EGFR: variants seen among roughly 807,000 people sequenced by gnomAD.
The protein encoded by EGFR is epidermal growth factor receptor.
In EGFR, 58 loss-of-function variants were observed where a neutral mutation model predicts 143.0. That is an observed-to-expected ratio of 0.41 (90% CI 0.33 to 0.50). The LOEUF (loss-of-function observed/expected upper bound fraction) is 0.50. Among genes scored for constraint, EGFR ranks in the 20% least tolerant of loss-of-function variants. The pLI is 0.39. For synonymous variants in EGFR, 613 were observed against 594.4 expected (o/e 1.03, Z -0.45); for missense variants, 1,307 against 1,579.0 (o/e 0.83, Z 2.92).
chr7:55,199,161 G>T (rs530293965), intron 23 of EGFR, among the ~76,000 whole-genome samples: 2 of 152,156 alleles, frequency 1.3e-5, no homozygotes, highest in African/African-American at 2.4e-5. Flanking sequence ...ATGAAATACC[G>T]AGTTGCCCTA....
intron 1 of EGFR, among the ~76,000 whole-genome samples, chr7:55,019,746 C>T (rs1786419492): frequency 6.6e-6 from 1 of 152,166 alleles, no homozygotes; most frequent in African/African-American, 2.4e-5. Context: ...GCCGGGGTCC[C>T]GCACGTGCGC....
intron 1 of EGFR, among the ~76,000 whole-genome samples, chr7:55,138,806 T>C (rs928328780): frequency 6.6e-6 from 1 of 152,238 alleles, no homozygotes; most frequent in African/African-American, 2.4e-5. Context: ...AATAAATGTA[T>C]TTGGCTCATG....
At position 55,156,514 on chromosome 7, in the gene EGFR, GTC is replaced by G. The variant is rs755277305; in HGVS notation, c.1007-13_1007-12del. The G allele has an allele frequency of 2.4e-5, 38 of 1,614,070 alleles. No homozygotes were observed. In the South Asian group the frequency reaches 3.1e-4, roughly 13 times the overall value. ...TCCAACAAATGTGAACGGAATACAC[GTC>G]TCTCTTATCTCTGCAGTGTGTAACG... On this transcript the variant is annotated splice_polypyrimidine_tract_variant and intron_variant, in intron 8 of 27. Coordinates refer to ENST00000275493, the MANE Select transcript of EGFR (RefSeq NM_005228.5).
chr7:55,025,515 T>G (rs1192790279), intron 1 of EGFR, among the ~76,000 whole-genome samples: 1 of 151,830 alleles, frequency 6.6e-6, no homozygotes, highest in Non-Finnish European at 1.5e-5. Flanking sequence ...GGCAGGAGGG[T>G]CCAATATCAA....
intron 14 of EGFR, among the ~76,000 whole-genome samples, chr7:55,164,825 A>G (rs1354879391): frequency 2.6e-5 from 4 of 152,228 alleles, no homozygotes; most frequent in African/African-American, 9.6e-5. Context: ...TGATATGCCA[A>G]CCACTGCACA....
chr7:55,186,578 G>A (rs183172209), intron 20 of EGFR, among the ~76,000 whole-genome samples: 61 of 152,256 alleles, frequency 4.0e-4, no homozygotes, highest in Non-Finnish European at 3.7e-4. Flanking sequence ...TTGTTCTTGC[G>A]TATTCCACAA....
chr7:55,050,837 A>G (rs1482956301), intron 1 of EGFR, among the ~76,000 whole-genome samples: 2 of 152,182 alleles, frequency 1.3e-5, no homozygotes, highest in African/African-American at 4.8e-5. Context: ...CAAAAAACCC[A>G]GAGATCCCAA....
At chr7:55,061,974 G>A (rs191387065) in intron 1 of EGFR, among the ~76,000 whole-genome samples, 2 of 152,290 alleles carry the variant, frequency 1.3e-5, no homozygotes, top group East Asian at 3.9e-4. Flanking sequence ...CCAGAGTGGG[G>A]AGGGCCATTT....
chr7:55,059,421 G>A (rs1364836910), intron 1 of EGFR, among the ~76,000 whole-genome samples: 2 of 152,110 alleles, frequency 1.3e-5, no homozygotes, highest in Admixed American at 1.3e-4. Flanking sequence ...ATTAACGTCT[G>A]TCATTAGCAT....
intron 1 of EGFR, among the ~76,000 whole-genome samples, chr7:55,054,472 G>A (rs190710081): frequency 4.8e-4 from 73 of 152,356 alleles, no homozygotes; most frequent in African/African-American, 1.6e-3. Flanking sequence ...TGGCCATGCC[G>A]TGGCAGCAGC....
At chr7:55,135,844 T>C (rs1282372416) in intron 1 of EGFR, among the ~76,000 whole-genome samples, 3 of 144,208 alleles carry the variant, frequency 2.1e-5, no homozygotes, top group African/African-American at 5.9e-5. Context: ...TTAAGGAATG[T>C]ATTTTTTAAG....
chr7:55,022,362 G>A (rs1786622193), intron 1 of EGFR, among the ~76,000 whole-genome samples: 1 of 152,140 alleles, frequency 6.6e-6, no homozygotes, highest in East Asian at 1.9e-4. Context: ...CTGTCTTAAA[G>A]AGAAACCAAA....
At chr7:55,066,240 C>T (rs2128881328) in intron 1 of EGFR, among the ~76,000 whole-genome samples, 1 of 152,308 alleles carries the variant, frequency 6.6e-6, no homozygotes, top group South Asian at 2.1e-4. Flanking sequence ...TTAAAAAATC[C>T]AGTAAGTGAA....
In EGFR at chr7:55,199,954, T is replaced by C. The variant is rs1787775112; in HGVS notation, c.2849-362T>C. Among the ~76,000 whole-genome samples, 3 of 152,220 alleles carry C rather than the reference T, an allele frequency of 2.0e-5. No individual in the cohort carries two copies. The South Asian group carries it at 6.2e-4, about 32-fold the overall frequency. On this transcript the variant is annotated intron_variant, in intron 23 of 27. Transcript: ENST00000275493. ...CCTGAAGGAATGCTAAGGGTGGATG[T>C]TGAGTGAGGACCTTGGTGCAGGGCA...
intron 8 of EGFR, among the ~76,000 whole-genome samples, chr7:55,156,175 G>A (rs562000358): frequency 5.2e-4 from 79 of 152,348 alleles, no homozygotes; most frequent in African/African-American, 1.8e-3. Flanking sequence ...AGCCAGCCCC[G>A]CTCAGCAGCT....
chr7:55,141,324 C>A (rs896292554), intron 1 of EGFR, among the ~76,000 whole-genome samples: 3 of 152,180 alleles, frequency 2.0e-5, no homozygotes, highest in African/African-American at 7.2e-5. Context: ...TTATTATAAA[C>A]CTCTCCTTTG....
Position 55,205,780 on chromosome 7 carries a change from G to A in EGFR, c.*163G>A, listed in dbSNP as rs1562811033. ...ACTAGCCAGGAAGTACTTCCACCTC[G>A]GGCACATTTTGGGAAGTTGCATTCC... On this transcript the variant is annotated 3_prime_UTR_variant, in exon 28 of 28. Transcript: ENST00000275493. The A allele has an allele frequency of 3.2e-5, 35 of 1,099,356 alleles. No individual in the cohort carries two copies. Among genetic ancestry groups the A allele is most frequent in the Middle Eastern group, 2.9e-4 (1 of 3,402 alleles). The allele number at this position is 1,099,356 out of a possible 1,614,324, so 68.1% of individuals were successfully genotyped here. A position where few individuals can be genotyped will look rare whatever the true frequency, so the allele number is the denominator to read the frequency against.
At chr7:55,064,569 C>G (rs551747984) in intron 1 of EGFR, among the ~76,000 whole-genome samples, 1 of 152,240 alleles carries the variant, frequency 6.6e-6, no homozygotes, top group Admixed American at 6.5e-5. Context: ...TCTTTTTTCT[C>G]TTTGGTTCTT....
chr7:55,143,631 G>A, intron 3 of EGFR, 143 bp downstream of exon 3: 1 of 890,632 alleles, frequency 1.1e-6, no homozygotes, highest in Non-Finnish European at 1.8e-6. Context: ...CCGGCTGTGT[G>A]TAAGATACTG....
Sources: allele counts gnomAD v4.1 joint callset (sites outside exome capture counted in the v4.1 genomes callset), GRCh38; gene constraint gnomAD v4.1.1; transcripts MANE v1.5; gene names NCBI Gene and HGNC (gene_info 2026-07-23, HGNC 2026-07-21).